Variants in CSMD1 observed in about 807,000 individuals in gnomAD.
CSMD1 encodes the protein CUB and sushi domain-containing protein 1.
In CSMD1, 213 loss-of-function variants were observed where a neutral mutation model predicts 417.5. The ratio of observed to expected loss-of-function variants is 0.51; its 90% confidence interval spans 0.46 to 0.57. The LOEUF (loss-of-function observed/expected upper bound fraction) is 0.57. Ranked by LOEUF, CSMD1 falls within the 20% of genes least tolerant of loss-of-function variation. CSMD1 has a pLI of 0.00. For missense variants in CSMD1, 6,923 were observed against 4,529.7 expected (o/e 1.53, Z -15.17); for synonymous variants, 2,862 against 1,736.8 (o/e 1.65, Z -16.11).
chr8:3,754,437 T>G (rs898689640), intron 5 of CSMD1, among the ~76,000 whole-genome samples: 1 of 130,326 alleles, frequency 7.7e-6, no homozygotes, highest in African/African-American at 3.0e-5. Flanking sequence ...TAATTCCTTA[T>G]TTATTTATTT....
chr8:4,033,986 A>G (rs568986262), intron 3 of CSMD1, among the ~76,000 whole-genome samples: 1 of 152,208 alleles, frequency 6.6e-6, no homozygotes, highest in Non-Finnish European at 1.5e-5. Flanking sequence ...TATGAAACTT[A>G]CTAGTAGAGA....
intron 3 of CSMD1, among the ~76,000 whole-genome samples, chr8:4,160,603 C>G (rs1007021346): frequency 3.3e-5 from 5 of 152,222 alleles, no homozygotes; most frequent in Admixed American, 2.6e-4. Flanking sequence ...CATTTACACA[C>G]TGTGGATGTC....
chr8:4,309,115 C>G (rs1294423017), intron 3 of CSMD1, among the ~76,000 whole-genome samples: 1 of 152,080 alleles, frequency 6.6e-6, no homozygotes, highest in Admixed American at 6.6e-5. Context: ...CTAGTTTAAT[C>G]AATGTCAGGG....
rs183408041 is a variant in CSMD1, at chr8:4,102,310, T to G, written c.416-70211A>C. Among the ~76,000 whole-genome samples, 947 of 152,330 alleles carry G rather than the reference T, an allele frequency of 6.2e-3. 2 individuals are homozygous for G. The highest frequency in any genetic ancestry group is 0.01 in the Non-Finnish European group (700 of 68,034). ...TCAGAGAAATCATGATCTTAGCTTT[T>G]TCTATTAATTTTAAACAAATATGTA... is the stretch of plus-strand genomic sequence containing the variant. On this transcript the variant is annotated intron_variant, in intron 3 of 69. Transcript: ENST00000635120.
intron 2 of CSMD1, among the ~76,000 whole-genome samples, chr8:4,485,913 A>C (rs546934133): frequency 6.6e-6 from 1 of 152,100 alleles, no homozygotes; most frequent in South Asian, 2.1e-4. Flanking sequence ...CCTGGCAGCC[A>C]GGAAGTTCAT....
rs903686209 is a variant in CSMD1 at position 4,140,615 on chromosome 8, C to T, written c.416-108516G>A. Reference sequence around the variant, plus strand: ...CCCAAGAGGTCAAGGCTGCAGTGAGCCATGATTGCGCCACTGCACTCCAGG... The same window carrying T: ...CCCAAGAGGTCAAGGCTGCAGTGAGTCATGATTGCGCCACTGCACTCCAGG... On this transcript the variant is annotated intron_variant, in intron 3 of 69. Transcript: ENST00000635120. Among the ~76,000 whole-genome samples the T allele has an allele frequency of 8.0e-5, 12 of 150,892 alleles. 1 individual carries two copies. The highest frequency in any genetic ancestry group is 3.0e-4 in the African/African-American group (12 of 40,216).
At chr8:4,078,000 G>T (rs1249758543) in intron 3 of CSMD1, among the ~76,000 whole-genome samples, 1 of 151,960 alleles carries the variant, frequency 6.6e-6, no homozygotes, top group East Asian at 1.9e-4. Context: ...TCATCTCTCA[G>T]TTGGAAAAAA....
intron 39 of CSMD1, among the ~76,000 whole-genome samples, chr8:3,157,583 C>A (rs1050692555): frequency 6.6e-6 from 1 of 152,222 alleles, no homozygotes; most frequent in Non-Finnish European, 1.5e-5. Flanking sequence ...CAGCTGCATT[C>A]CTTCTTTGCC....
At chr8:4,159,619 C>A (rs952669556) in intron 3 of CSMD1, among the ~76,000 whole-genome samples, 1 of 152,144 alleles carries the variant, frequency 6.6e-6, no homozygotes, top group Admixed American at 6.5e-5. Context: ...GACAGAGTCT[C>A]ACTCTGTCGC....
At chr8:3,667,618 C>A (rs773587907) in intron 7 of CSMD1, among the ~76,000 whole-genome samples, 2 of 152,018 alleles carry the variant, frequency 1.3e-5, no homozygotes, top group Admixed American at 6.6e-5. Context: ...ACAGAGGAGT[C>A]CTCCTCCTTA....
At chr8:4,853,652 A>G (rs1375974112) in intron 1 of CSMD1, among the ~76,000 whole-genome samples, 1 of 152,196 alleles carries the variant, frequency 6.6e-6, no homozygotes, top group Non-Finnish European at 1.5e-5. Context: ...TCCCCACTGG[A>G]ACACTACCCA....
At chr8:4,545,234 G>T (rs1207162322) in intron 2 of CSMD1, among the ~76,000 whole-genome samples, 3 of 152,286 alleles carry the variant, frequency 2.0e-5, no homozygotes, top group East Asian at 3.9e-4. Flanking sequence ...AAAATGGGAG[G>T]TGCAGTAATG....
intron 54 of CSMD1, among the ~76,000 whole-genome samples, chr8:2,979,769 G>T (rs1388181263): frequency 6.6e-6 from 1 of 152,206 alleles, no homozygotes; most frequent in African/African-American, 2.4e-5. Context: ...AATGTTCTAT[G>T]CTTCCTAAAA....
intron 12 of CSMD1, among the ~76,000 whole-genome samples, chr8:3,456,635 G>C (rs1357165359): frequency 1.3e-5 from 2 of 152,092 alleles, no homozygotes; most frequent in South Asian, 2.1e-4. Flanking sequence ...TAGTCCTAGT[G>C]GACGTGTTTC....
At chr8:4,681,845 C>G (rs542136319) in intron 1 of CSMD1, among the ~76,000 whole-genome samples, 1 of 151,990 alleles carries the variant, frequency 6.6e-6, no homozygotes, top group South Asian at 2.1e-4. Context: ...TTTTCTCCTC[C>G]GTAAGGTGAG....
intron 49 of CSMD1, among the ~76,000 whole-genome samples, chr8:3,053,646 A>C (rs1179799368): frequency 6.6e-6 from 1 of 152,158 alleles, no homozygotes; most frequent in Non-Finnish European, 1.5e-5. Context: ...AAAAAACAAG[A>C]TTTGGGGAGA....
intron 5 of CSMD1, among the ~76,000 whole-genome samples, chr8:3,909,285 C>A (rs1284135328): frequency 6.6e-6 from 1 of 152,152 alleles, no homozygotes; most frequent in Non-Finnish European, 1.5e-5. Context: ...CACTTTCCCT[C>A]ATTGAAGTCT....
intron 1 of CSMD1, among the ~76,000 whole-genome samples, chr8:4,777,817 A>C (rs1796943428): frequency 6.6e-6 from 1 of 152,234 alleles, no homozygotes; most frequent in African/African-American, 2.4e-5. Flanking sequence ...GTGGTGTTTC[A>C]GACTTCACAT....
intron 3 of CSMD1, among the ~76,000 whole-genome samples, chr8:4,066,307 G>A (rs1472977941): frequency 3.3e-5 from 5 of 152,132 alleles, no homozygotes; most frequent in African/African-American, 1.2e-4. Flanking sequence ...GTTTATGTCT[G>A]GCTCTTAAAG....
Sources: allele counts gnomAD v4.1 joint callset (sites outside exome capture counted in the v4.1 genomes callset), GRCh38; gene constraint gnomAD v4.1.1; transcripts MANE v1.5; gene names NCBI Gene and HGNC (gene_info 2026-07-23, HGNC 2026-07-21).